COL4A4: variants seen among roughly 807,000 people sequenced by gnomAD.
The protein encoded by COL4A4 is collagen type IV alpha 4 chain.
In COL4A4, 105 loss-of-function variants were observed where a neutral mutation model predicts 192.9. The ratio of observed to expected loss-of-function variants is 0.54; its 90% CI spans 0.46 to 0.64. The LOEUF is 0.64. Among genes scored for constraint, COL4A4 ranks in the 30% least tolerant of loss-of-function variants. The pLI, the probability that COL4A4 is intolerant of heterozygous loss-of-function variation, is 0.00. For synonymous variants in COL4A4, 762 were observed against 769.9 expected, an observed-to-expected ratio of 0.99 and a Z score of 0.17; for missense variants, 1,967 against 2,169.3, an observed-to-expected ratio of 0.91 and a Z score of 1.85.
Position 227,003,785 on chromosome 2 carries a change from C to T in COL4A4, c.*3540G>A, listed in dbSNP as rs369180535. 1 of 152,154 alleles carries T rather than the reference C, an allele frequency of 6.6e-6. No homozygotes were observed. Among genetic ancestry groups the T allele is most frequent in the African/African-American group, 2.4e-5 (1 of 41,434 alleles). 9.4% of individuals were successfully genotyped at this position (152,154 alleles called of 1,614,324 possible). A position where few individuals can be genotyped will look rare whatever the true frequency, so the allele number is the denominator to read the frequency against. Reference sequence around the variant, plus strand: ...ATGTCACATTTTACTGAAGGGTCTTCTCAGTCGGATCTCTCAAATCTCATT... The same window carrying T: ...ATGTCACATTTTACTGAAGGGTCTTTTCAGTCGGATCTCTCAAATCTCATT... On this transcript the variant is annotated 3_prime_UTR_variant, in exon 48 of 48. Coordinates refer to ENST00000396625, the MANE Select transcript of COL4A4 (RefSeq NM_000092.5).
At position 227,030,607 on chromosome 2, in the gene COL4A4, A is replaced by G; in HGVS notation, c.3818-9T>C. The G allele has an allele frequency of 1.3e-6, 2 of 1,574,604 alleles. No individual in the cohort carries two copies. On this transcript the variant is annotated splice_polypyrimidine_tract_variant and intron_variant, in intron 40 of 47. Coordinates refer to ENST00000396625, the MANE Select transcript of COL4A4 (RefSeq NM_000092.5). ...TGGAGGCCCAGGTGCTCCTGACCACAGAGAAGAGACAAAAATATTCTTTTA... is the reference window on the plus strand; with the variant it reads ...TGGAGGCCCAGGTGCTCCTGACCACGGAGAAGAGACAAAAATATTCTTTTA...
chr2:227,071,148 G>C lies in COL4A4; in HGVS notation c.1987+6746C>G, dbSNP rs1009705586. On this transcript the variant is annotated intron_variant, in intron 25 of 47. Coordinates refer to ENST00000396625, the MANE Select transcript of COL4A4 (RefSeq NM_000092.5). ...AAACAACACAATCCAAATATCTGCT[G>C]TCTTTAAGAGGCTAACACAGAAATA... Among the ~76,000 whole-genome samples, 8 of 152,192 alleles carry C rather than the reference G, an allele frequency of 5.3e-5. No homozygotes were observed. In the South Asian group the frequency reaches 1.7e-3, roughly 32 times the overall value.
chr2:227,090,396 A>G (rs1373428919), intron 20 of COL4A4, among the ~76,000 whole-genome samples: 4 of 152,208 alleles, frequency 2.6e-5, no homozygotes, highest in African/African-American at 7.2e-5. Flanking sequence ...ACGACAGATA[A>G]AATGCAAACA....
intron 34 of COL4A4, among the ~76,000 whole-genome samples, chr2:227,049,574 T>G (rs192473381): frequency 1.2e-3 from 179 of 152,344 alleles, no homozygotes; most frequent in African/African-American, 4.1e-3. Flanking sequence ...AACCCAATTG[T>G]AAATTACATC....
At chr2:226,981,149 T>C in the COL4A4 span, among the ~76,000 whole-genome samples, 1 of 152,108 alleles carries the variant, frequency 6.6e-6, no homozygotes, top group South Asian at 2.1e-4. Context: ...TTCTCACTCA[T>C]AGGTGGAAAT....
rs146770603 is a variant in COL4A4, at chr2:227,077,099, G to A, written c.1987+795C>T. 2.6e-3 allele frequency among the ~76,000 whole-genome samples: 400 copies of A among 152,172 alleles called. 1 individual carries two copies. Among genetic ancestry groups the A allele is most frequent in the African/African-American group, 8.9e-3 (371 of 41,514 alleles). ...AGTGTGGTGATTCCTCAAGGATCTA[G>A]AATCAAAAATACCATTTGACCCAGC... On this transcript the variant is annotated intron_variant, in intron 25 of 47. Transcript: ENST00000396625.
At chr2:227,085,627 G>A (rs1383293066) in intron 22 of COL4A4, among the ~76,000 whole-genome samples, 8 of 152,148 alleles carry the variant, frequency 5.3e-5, no homozygotes, top group African/African-American at 1.7e-4. Context: ...ATCACATGGT[G>A]AGAGAGGGAG....
intron 20 of COL4A4, among the ~76,000 whole-genome samples, 188 bp downstream of exon 20, chr2:227,093,937 A>G (rs1175293970): frequency 6.6e-6 from 1 of 152,168 alleles, no homozygotes; most frequent in Admixed American, 6.5e-5. Context: ...CTCCTAACCA[A>G]ATGATTGCAC....
intron 29 of COL4A4, among the ~76,000 whole-genome samples, chr2:227,056,823 C>T (rs1318972232): frequency 2.6e-5 from 4 of 152,186 alleles, no homozygotes; most frequent in Admixed American, 2.6e-4. Flanking sequence ...CTGTTTGCCC[C>T]ATCTGCCTGT....
At chr2:227,065,296 T>A (rs1196494687) in intron 25 of COL4A4, among the ~76,000 whole-genome samples, 1 of 152,128 alleles carries the variant, frequency 6.6e-6, no homozygotes, top group Non-Finnish European at 1.5e-5. Flanking sequence ...GCAGCGAGGC[T>A]GGGGGAGGGG....
At chr2:227,022,932 G>GGTTT (rs200731159) in intron 43 of COL4A4, among the ~76,000 whole-genome samples, 1 of 152,062 alleles carries the variant, frequency 6.6e-6, no homozygotes, top group Non-Finnish European at 1.5e-5. Context: ...AGTAGTTTTT[G>GGTTT]GTTTGTTTGT....
intron 28 of COL4A4, among the ~76,000 whole-genome samples, chr2:227,058,632 T>C (rs1036342646): frequency 1.3e-5 from 2 of 152,150 alleles, no homozygotes; most frequent in Non-Finnish European, 1.5e-5. Flanking sequence ...AGAATGTTCT[T>C]TGTAAACATC....
intron 37 of COL4A4, among the ~76,000 whole-genome samples, chr2:227,041,908 AAG>A (rs1491527362): frequency 6.6e-6 from 1 of 151,208 alleles, no homozygotes; most frequent in Non-Finnish European, 1.5e-5. Context: ...GAAAGAAAGA[AAG>A]AAAGAAAGAA....
chr2:227,008,232 T>C lies in COL4A4; in HGVS notation c.4595A>G (p.His1532Arg), dbSNP rs747411581. ...GGATCTGTCGTTTCTCTGGGCATAG[T>C]GGCACACCTGGTGGATGTTGCAGTA... ...FAYCNIHQVCHYAQRNDRSYW... is the reference protein window; with the variant it reads ...FAYCNIHQVCRYAQRNDRSYW... The change falls in exon 47 of 48, where the codon CAC (histidine) becomes CGC (arginine). Residue 1532 changes from histidine (H) to arginine (R), a missense_variant. His to Arg is a conservative substitution (Grantham distance 29). Coordinates refer to ENST00000396625, the MANE Select transcript of COL4A4 (RefSeq NM_000092.5). The C allele has an allele frequency of 1.2e-6, 2 of 1,614,194 alleles. No homozygotes were observed. Among genetic ancestry groups the C allele is most frequent in the Non-Finnish European group, 1.7e-6 (2 of 1,180,034 alleles).
chr2:227,154,259 G>A (rs1368933133), intron 1 of COL4A4, among the ~76,000 whole-genome samples: 3 of 152,132 alleles, frequency 2.0e-5, no homozygotes, highest in Non-Finnish European at 4.4e-5. Flanking sequence ...ATGAGTCTCT[G>A]CCCAATGCTT....
the COL4A4 span, among the ~76,000 whole-genome samples, chr2:226,979,384 A>G: frequency 6.6e-6 from 1 of 152,304 alleles, no homozygotes; most frequent in Admixed American, 6.5e-5. Context: ...GGTTCCTGTT[A>G]ACAGGCCCCC....
rs1975803565 is a variant in COL4A4 at position 227,057,657 on chromosome 2, A to G, written c.2384-57T>C. 4 of 1,567,206 alleles carry G rather than the reference A, an allele frequency of 2.6e-6. No homozygotes were observed. In the South Asian group the frequency reaches 4.5e-5, roughly 18 times the overall value. ...TGACAAAAAACTATACAGATGGCCCATGATGAATTGTTCACGCATATCAAT... is the reference window on the plus strand; with the variant it reads ...TGACAAAAAACTATACAGATGGCCCGTGATGAATTGTTCACGCATATCAAT... On this transcript the variant is annotated intron_variant, in intron 28 of 47. Coordinates refer to ENST00000396625, the MANE Select transcript of COL4A4 (RefSeq NM_000092.5).
At chr2:226,974,790 G>A in the COL4A4 span, among the ~76,000 whole-genome samples, 3 of 152,198 alleles carry the variant, frequency 2.0e-5, no homozygotes, top group Non-Finnish European at 4.4e-5. Flanking sequence ...ACAGTGCTGA[G>A]AGTCGTGAAC....
intron 24 of COL4A4, among the ~76,000 whole-genome samples, chr2:227,078,610 T>C (rs2059161759): frequency 6.6e-6 from 1 of 152,180 alleles, no homozygotes; most frequent in Non-Finnish European, 1.5e-5. Context: ...CTGGAAACAA[T>C]GTGTGTGATA....
Sources: gnomAD v4.1 joint callset for allele counts (sites outside exome capture counted in the v4.1 genomes callset) on GRCh38, gnomAD v4.1.1 for gene constraint, MANE v1.5 for transcripts, NCBI Gene and HGNC (gene_info 2026-07-23, HGNC 2026-07-21) for gene names.